ITGBL1: variants seen among roughly 807,000 people sequenced by gnomAD.
ITGBL1 encodes the protein integrin subunit beta like 1, also known as integrin beta-like protein 1.
A neutral mutation model predicts 68.5 loss-of-function variants in ITGBL1; 51 were observed. That is an observed-to-expected ratio of 0.74 (90% CI 0.59 to 0.94). ITGBL1 has a LOEUF of 0.94. Ranked by LOEUF, ITGBL1 falls within the 40% of genes least tolerant of loss-of-function variation. The probability of loss-of-function intolerance (pLI) is 0.00; values close to 1 mark genes in which losing one functional copy is unlikely to be tolerated. For missense variants in ITGBL1, 649 were observed against 647.4 expected (o/e 1.00, Z -0.03); for synonymous variants, 209 against 227.3 (o/e 0.92, Z 0.72).
intron 2 of ITGBL1, among the ~76,000 whole-genome samples, chr13:101,559,524 T>A (rs559853658): frequency 9.8e-4 from 149 of 152,352 alleles, no homozygotes; most frequent in African/African-American, 3.5e-3. Context: ...TCTAAGCATG[T>A]GTGTTTCAAA....
At chr13:101,562,999 C>A (rs2050125124) in intron 2 of ITGBL1, among the ~76,000 whole-genome samples, 1 of 151,266 alleles carries the variant, frequency 6.6e-6, no homozygotes, top group African/African-American at 2.4e-5. Flanking sequence ...ATTTGAACAA[C>A]ACACTTCTAC....
intron 7 of ITGBL1, among the ~76,000 whole-genome samples, chr13:101,610,632 G>T (rs2031082198): frequency 6.6e-6 from 1 of 152,110 alleles, no homozygotes; most frequent in Non-Finnish European, 1.5e-5. Flanking sequence ...TTAGATCATT[G>T]CCATGCTCAT....
intron 7 of ITGBL1, among the ~76,000 whole-genome samples, chr13:101,623,811 G>A (rs2031675499): frequency 1.3e-5 from 2 of 152,216 alleles, no homozygotes; most frequent in Non-Finnish European, 2.9e-5. Flanking sequence ...TAAGTAGTCT[G>A]ACTGTAGAAT....
At chr13:101,484,240 A>G (rs1305673926) in intron 2 of ITGBL1, among the ~76,000 whole-genome samples, 1 of 152,142 alleles carries the variant, frequency 6.6e-6, no homozygotes, top group Non-Finnish European at 1.5e-5. Flanking sequence ...ATCAGCATAA[A>G]AAATTTACTT....
chr13:101,497,041 G>A (rs9557679), intron 2 of ITGBL1, among the ~76,000 whole-genome samples: 1 of 152,216 alleles, frequency 6.6e-6, no homozygotes, highest in African/African-American at 2.4e-5. Context: ...AAAGCCCACA[G>A]TGTGAGAGGC....
chr13:101,543,630 C>T (rs1478852935), intron 2 of ITGBL1, among the ~76,000 whole-genome samples: 1 of 152,160 alleles, frequency 6.6e-6, no homozygotes, highest in South Asian at 2.1e-4. Flanking sequence ...GGAAGTTCTG[C>T]TGGATAATAT....
intron 2 of ITGBL1, among the ~76,000 whole-genome samples, chr13:101,496,317 A>C (rs2048857493): frequency 6.6e-6 from 1 of 152,332 alleles, no homozygotes; most frequent in Non-Finnish European, 1.5e-5. Flanking sequence ...GCCAGAGCAC[A>C]GATCTCTGAT....
intron 2 of ITGBL1, among the ~76,000 whole-genome samples, chr13:101,531,710 TATTTATTTA>T (rs753465600): frequency 0.011 from 1,632 of 144,354 alleles, 23 homozygotes; most frequent in Non-Finnish European, 0.016. Flanking sequence ...GTTATTTATT[TATTTATTTA>T]TTTATTTATT....
intron 2 of ITGBL1, among the ~76,000 whole-genome samples, chr13:101,474,096 G>A (rs2048501233): frequency 6.6e-6 from 1 of 152,178 alleles, no homozygotes; most frequent in African/African-American, 2.4e-5. Context: ...CTTACAGCTT[G>A]GGCAACAGCT....
chr13:101,455,643 A>G (rs7328708), intron 2 of ITGBL1, among the ~76,000 whole-genome samples: 134,703 of 152,250 alleles, frequency 0.88, 59,800 homozygotes, highest in African/African-American at 0.96. Flanking sequence ...CAGCCTGGGC[A>G]ACAGAGCGAG....
rs921142801 is a variant in ITGBL1 at position 101,489,905 on chromosome 13, C to T, written c.316+35805C>T. 4.7e-5 allele frequency: 55 copies of T among 1,181,066 alleles called. 1 individual carries two copies. Among genetic ancestry groups the T allele is most frequent in the East Asian group, 1.8e-4 (7 of 39,202 alleles). 73.2% of individuals were successfully genotyped at this position (1,181,066 alleles called of 1,614,324 possible). ...AGAGGTGGACTAAAGGTTAGTGTGA[C>T]GGTTGCTAGCTTTTAGAACAAGCAG... On this transcript the variant is annotated intron_variant, in intron 2 of 10. Transcript: ENST00000376180.
At chr13:101,529,570 A>G (rs2049437355) in intron 2 of ITGBL1, among the ~76,000 whole-genome samples, 1 of 152,224 alleles carries the variant, frequency 6.6e-6, no homozygotes, top group Non-Finnish European at 1.5e-5. Context: ...ATGAGGCTAC[A>G]TAGTTCATGT....
At chr13:101,457,640 C>T (rs1360304144) in intron 2 of ITGBL1, among the ~76,000 whole-genome samples, 1 of 151,988 alleles carries the variant, frequency 6.6e-6, no homozygotes, top group South Asian at 2.1e-4. Context: ...AATGGTGAAA[C>T]CCTGTCTCTA....
intron 7 of ITGBL1, among the ~76,000 whole-genome samples, chr13:101,683,221 C>G (rs2033682257): frequency 6.6e-6 from 1 of 152,012 alleles, no homozygotes; most frequent in Admixed American, 6.6e-5. Context: ...AACCTTTATT[C>G]TCATGTTCAT....
chr13:101,698,690 G>A (rs1389135948), intron 8 of ITGBL1, among the ~76,000 whole-genome samples: 2 of 152,160 alleles, frequency 1.3e-5, no homozygotes, highest in Non-Finnish European at 2.9e-5. Context: ...AGCATGACTT[G>A]TCCAGTGATA....
chr13:101,705,215 G>A (rs1185913214), intron 8 of ITGBL1, among the ~76,000 whole-genome samples: 1 of 149,536 alleles, frequency 6.7e-6, no homozygotes, highest in Non-Finnish European at 1.5e-5. Context: ...TGGCTGTTAG[G>A]AGGCACTTGT....
intron 2 of ITGBL1, among the ~76,000 whole-genome samples, chr13:101,478,812 G>T (rs2048573967): frequency 6.6e-6 from 1 of 151,752 alleles, no homozygotes; most frequent in Non-Finnish European, 1.5e-5. Flanking sequence ...AAATTGAAGA[G>T]GACTCAAAAA....
chr13:101,549,371 G>C (rs1016341822), intron 2 of ITGBL1, among the ~76,000 whole-genome samples: 3 of 151,796 alleles, frequency 2.0e-5, no homozygotes, highest in African/African-American at 7.2e-5. Flanking sequence ...TATGATTTAG[G>C]AGTGTGAGAA....
intron 8 of ITGBL1, among the ~76,000 whole-genome samples, chr13:101,704,484 TAAA>T (rs57687698): frequency 2.8e-5 from 3 of 105,350 alleles, no homozygotes; most frequent in East Asian, 6.4e-4. Context: ...ATTCATTCAG[TAAA>T]AAAAAAAAAA....
Sources: allele counts gnomAD v4.1 joint callset (sites outside exome capture counted in the v4.1 genomes callset), GRCh38; gene constraint gnomAD v4.1.1; transcripts MANE v1.5; gene names NCBI Gene and HGNC (gene_info 2026-07-23, HGNC 2026-07-21).